The following FAF1 variants were observed in gnomAD, a reference collection of about 807,000 sequenced individuals.
The protein encoded by FAF1 is Fas associated factor 1.
FAF1 carries 25 observed loss-of-function variants against 92.5 expected under a neutral mutation model. The observed-to-expected ratio is 0.27, with a 90% confidence interval of 0.20 to 0.38. FAF1 has a LOEUF of 0.38. FAF1 is among the 10% of genes least tolerant of loss of function. FAF1 has a pLI of 1.00. For missense variants in FAF1, 636 were observed against 793.3 expected (o/e 0.80, Z 2.38); for synonymous variants, 234 against 273.2 (o/e 0.86, Z 1.42).
intron 8 of FAF1, among the ~76,000 whole-genome samples, chr1:50,639,933 C>CAAAAAAAAAAAA (rs1197342810): frequency 1.4e-5 from 1 of 70,160 alleles, no homozygotes; most frequent in African/African-American, 4.7e-5. Flanking sequence ...GACTCGATCT[C>CAAAAAAAAAAAA]AAAAAAAAAA....
chr1:50,754,965 C>T (rs1057322295), intron 4 of FAF1, among the ~76,000 whole-genome samples: 1 of 152,048 alleles, frequency 6.6e-6, no homozygotes, highest in Non-Finnish European at 1.5e-5. Flanking sequence ...CAATTACCTC[C>T]CACAAGGTCC....
At chr1:50,792,611 G>GCCATGTATAAC (rs1661604101) in intron 3 of FAF1, among the ~76,000 whole-genome samples, 1 of 152,228 alleles carries the variant, frequency 6.6e-6, no homozygotes, top group Non-Finnish European at 1.5e-5. Context: ...AAACAGGAAT[G>GCCATGTATAAC]CTGAAGTAGA....
At chr1:50,665,303 G>C (rs1173086776) in intron 7 of FAF1, among the ~76,000 whole-genome samples, 1 of 152,158 alleles carries the variant, frequency 6.6e-6, no homozygotes, top group Non-Finnish European at 1.5e-5. Flanking sequence ...CTGAATTTTA[G>C]TAGTCAATCT....
chr1:50,556,956 GAACT>G (rs1649618113), intron 13 of FAF1, among the ~76,000 whole-genome samples: 1 of 152,200 alleles, frequency 6.6e-6, no homozygotes, highest in African/African-American at 2.4e-5. Flanking sequence ...TCTGCTTCAA[GAACT>G]AACAAGTTAA....
chr1:50,816,521 G>A (rs937492014), intron 2 of FAF1, among the ~76,000 whole-genome samples: 9 of 152,014 alleles, frequency 5.9e-5, no homozygotes, highest in Non-Finnish European at 1.3e-4. Flanking sequence ...ACTTTTTAAC[G>A]GGGCTATTTG....
rs113503385 is a variant in FAF1 at position 50,828,214 on chromosome 1, T to C, written c.115-26537A>G. Among the ~76,000 whole-genome samples the C allele has an allele frequency of 3.0e-3, 456 of 150,646 alleles. 4 individuals are homozygous for C. The highest frequency in any genetic ancestry group is 0.01 in the African/African-American group (430 of 41,232). On this transcript the variant is annotated intron_variant, in intron 2 of 18. Coordinates refer to ENST00000396153, the MANE Select transcript of FAF1 (RefSeq NM_007051.3). Reference sequence around the variant, plus strand: ...CATACAGGTAGGAATACTTGATTTATGACAAAGATGGCACTGCAGAGAAGT... The same window carrying C: ...CATACAGGTAGGAATACTTGATTTACGACAAAGATGGCACTGCAGAGAAGT...
At chr1:50,681,932 C>A (rs911523913) in intron 7 of FAF1, among the ~76,000 whole-genome samples, 2 of 151,994 alleles carry the variant, frequency 1.3e-5, no homozygotes, top group Non-Finnish European at 2.9e-5. Flanking sequence ...CTCCCAGGCC[C>A]AAGCGATCCT....
intron 1 of FAF1, among the ~76,000 whole-genome samples, chr1:50,877,927 C>T (rs1644583906): frequency 6.6e-6 from 1 of 152,152 alleles, no homozygotes; most frequent in Non-Finnish European, 1.5e-5. Context: ...CCTTCTATAA[C>T]CCTAAGAACA....
intron 4 of FAF1, among the ~76,000 whole-genome samples, chr1:50,768,320 G>A (rs1470850759): frequency 6.6e-6 from 1 of 152,102 alleles, no homozygotes; most frequent in Non-Finnish European, 1.5e-5. Flanking sequence ...TCTACAAAGA[G>A]ACTTAAGATA....
rs1162049290 is a variant in FAF1 at position 50,960,036 on chromosome 1, C to G, written c.-225G>C. The G allele has an allele frequency of 2.5e-6, 1 of 395,722 alleles. No homozygotes were observed. The highest frequency in any genetic ancestry group is 2.1e-5 in the African/African-American group (1 of 48,460). 24.5% of individuals were successfully genotyped at this position (395,722 alleles called of 1,614,324 possible). On this transcript the variant is annotated 5_prime_UTR_variant, in exon 1 of 19. Transcript: ENST00000396153. ...GGCGCCCCGGCCGCCCGCCTGCAAC[C>G]TGCGGAGCCCGCGTCGCAGCAGCCC...
chr1:50,841,067 G>A (rs1018654045), intron 2 of FAF1, among the ~76,000 whole-genome samples: 3 of 151,968 alleles, frequency 2.0e-5, no homozygotes, highest in African/African-American at 7.2e-5. Context: ...TGTAAGAGTG[G>A]TAACAGTAAT....
chr1:50,941,465 T>C (rs561219605), intron 1 of FAF1, among the ~76,000 whole-genome samples: 106 of 152,212 alleles, frequency 7.0e-4, no homozygotes, highest in Non-Finnish European at 1.4e-3. Flanking sequence ...GATCCACCCA[T>C]CTCAGCCTCC....
At chr1:50,590,030 CTA>C (rs1651429606) in intron 9 of FAF1, among the ~76,000 whole-genome samples, 2 of 152,140 alleles carry the variant, frequency 1.3e-5, no homozygotes, top group African/African-American at 4.8e-5. Context: ...TTCCATTGGG[CTA>C]TATGTTAGTC....
chr1:50,901,788 C>G (rs1374496227), intron 1 of FAF1, among the ~76,000 whole-genome samples: 1 of 152,026 alleles, frequency 6.6e-6, no homozygotes, highest in African/African-American at 2.4e-5. Context: ...TCACTTGAAC[C>G]CAGGAGGCAG....
chr1:50,590,925 T>C (rs1398893223), intron 9 of FAF1, among the ~76,000 whole-genome samples: 1 of 151,070 alleles, frequency 6.6e-6, no homozygotes, highest in Non-Finnish European at 1.5e-5. Flanking sequence ...GAGGTTGCAG[T>C]GAGCCAAGAT....
At chr1:50,613,958 G>A (rs750660413) in intron 8 of FAF1, among the ~76,000 whole-genome samples, 7 of 151,900 alleles carry the variant, frequency 4.6e-5, no homozygotes, top group Non-Finnish European at 1.0e-4. Flanking sequence ...TTATCCGGGC[G>A]TGGTGGCACG....
At chr1:50,727,567 TACATTGTGGTGAGAGAA>T (rs1658715865) in intron 6 of FAF1, among the ~76,000 whole-genome samples, 1 of 152,240 alleles carries the variant, frequency 6.6e-6, no homozygotes, top group Non-Finnish European at 1.5e-5. Context: ...TCTGTAGTTT[TACATTGTGGTGAGAGAA>T]ACAGACAACA....
intron 4 of FAF1, among the ~76,000 whole-genome samples, chr1:50,753,086 A>G (rs1017929613): frequency 6.6e-6 from 1 of 152,182 alleles, no homozygotes. Flanking sequence ...AAACAATTGA[A>G]TCCAACAATG....
chr1:50,849,086 G>A (rs995532674), intron 2 of FAF1, among the ~76,000 whole-genome samples: 7 of 151,956 alleles, frequency 4.6e-5, no homozygotes, highest in African/African-American at 7.2e-5. Flanking sequence ...GTGAAACCCC[G>A]CCTCTACTAA....
Sources: allele counts gnomAD v4.1 joint callset (sites outside exome capture counted in the v4.1 genomes callset), GRCh38; gene constraint gnomAD v4.1.1; transcripts MANE v1.5; gene names NCBI Gene and HGNC (gene_info 2026-07-23, HGNC 2026-07-21).